The following ADGRG7 variants were observed in gnomAD, a reference collection of about 807,000 sequenced individuals.
The protein encoded by ADGRG7 is adhesion G protein-coupled receptor G7.
ADGRG7 carries 82 observed loss-of-function variants against 88.6 expected under a neutral mutation model. That is an observed-to-expected ratio of 0.93 (90% CI 0.77 to 1.11). The LOEUF (loss-of-function observed/expected upper bound fraction) is 1.11. ADGRG7 is among the 50% of genes most tolerant of loss of function. The probability of loss-of-function intolerance (pLI) is 0.00; values close to 1 mark genes in which losing one functional copy is unlikely to be tolerated. For missense variants in ADGRG7, 945 were observed against 953.4 expected, an observed-to-expected ratio of 0.99 and a Z score of 0.12; for synonymous variants, 381 against 345.2, an observed-to-expected ratio of 1.10 and a Z score of -1.15.
intron 1 of ADGRG7, among the ~76,000 whole-genome samples, chr3:100,625,615 A>G: frequency 7.2e-6 from 1 of 139,488 alleles, no homozygotes; most frequent in African/African-American, 2.5e-5. Context: ...CAGTTTTCAA[A>G]GGAAATGCTG....
chr3:100,654,499 T>C (rs1145339), intron 11 of ADGRG7: 176,705 of 192,682 alleles, frequency 0.92, 83,021 homozygotes, highest in East Asian at 1. Flanking sequence ...ACAGGCCAGG[T>C]TACTGTGAAG....
rs1317539707 is a variant in ADGRG7 at position 100,657,919 on chromosome 3, T to A, written c.1824-1769T>A. Among the ~76,000 whole-genome samples the A allele has an allele frequency of 4.6e-5, 7 of 152,172 alleles. No homozygotes were observed. The East Asian group carries it at 7.7e-4, about 17-fold the overall frequency. ...TAAAACTATTCCAATGCAAAAAAAA[T>A]TTAGAAATCCTTTCACGTGTATAAT... On this transcript the variant is annotated intron_variant, in intron 13 of 15. Coordinates refer to ENST00000273352, the MANE Select transcript of ADGRG7 (RefSeq NM_032787.3).
In ADGRG7 at chr3:100,633,275, A is replaced by G. The variant is rs752320101; in HGVS notation, c.345A>G (p.Pro115=). 2.0e-6 allele frequency: 3 copies of G among 1,474,332 alleles called. No individual in the cohort carries two copies. The highest frequency in any genetic ancestry group is 2.7e-6 in the Non-Finnish European group (3 of 1,109,394). 91.3% of individuals were successfully genotyped at this position (1,474,332 alleles called of 1,614,324 possible). A position where few individuals can be genotyped will look rare whatever the true frequency, so the allele number is the denominator to read the frequency against. The stretch of plus-strand genomic sequence containing the variant: ...TTCTTTGTATTAAAGCGGGCAATCC[A>G]ATGGCAGTCCGGTTGTGCAGTCTCT... ...CGKDTPNAGN[P]MAVRLCSLSL... The change falls in exon 4 of 16, where the codon CCA becomes CCG. Residue 115 remains proline (P), a synonymous_variant. Transcript: ENST00000273352.
chr3:100,638,031 C>T (rs1430600859), intron 6 of ADGRG7, among the ~76,000 whole-genome samples: 1 of 152,216 alleles, frequency 6.6e-6, no homozygotes, highest in African/African-American at 2.4e-5. Flanking sequence ...GGGGTGCCTG[C>T]AACCCCAAGG....
chr3:100,689,086 T>G (rs1011322681), intron 15 of ADGRG7, among the ~76,000 whole-genome samples: 16 of 152,158 alleles, frequency 1.1e-4, no homozygotes, highest in Admixed American at 9.2e-4. Context: ...ATATATTTAG[T>G]ATAGTTAGCT....
chr3:100,691,012 C>T (rs1355742532), intron 15 of ADGRG7, among the ~76,000 whole-genome samples: 2 of 152,242 alleles, frequency 1.3e-5, no homozygotes, highest in African/African-American at 4.8e-5. Context: ...TGGGCTCCAC[C>T]TAGTTCGAGC....
intron 1 of ADGRG7, among the ~76,000 whole-genome samples, chr3:100,612,135 A>G (rs879868898): frequency 1.8e-4 from 27 of 152,082 alleles, no homozygotes; most frequent in Non-Finnish European, 3.4e-4. Flanking sequence ...GGAGTAACAT[A>G]TATATAAATT....
At chr3:100,686,432 A>C (rs552269248) in intron 15 of ADGRG7, among the ~76,000 whole-genome samples, 2 of 152,220 alleles carry the variant, frequency 1.3e-5, no homozygotes, top group East Asian at 1.9e-4. Flanking sequence ...TTGGTGTTTT[A>C]GACATGAAGT....
chr3:100,687,942 A>G (rs1457200408), intron 15 of ADGRG7, among the ~76,000 whole-genome samples: 1 of 152,138 alleles, frequency 6.6e-6, no homozygotes, highest in African/African-American at 2.4e-5. Context: ...GAATAGTTTC[A>G]GAAGGAATGG....
At chr3:100,685,327 C>A (rs1405036875) in intron 15 of ADGRG7, among the ~76,000 whole-genome samples, 1 of 151,966 alleles carries the variant, frequency 6.6e-6, no homozygotes. Context: ...GAAAATAAAG[C>A]CTGAGAAGGA....
rs773263260 is a variant in ADGRG7, at chr3:100,643,683, A to G, written c.946+50A>G. On this transcript the variant is annotated intron_variant, in intron 8 of 15. Transcript: ENST00000273352. ...TAAAAAAATGGACTCGAATTCATGG[A>G]ACTAATAACTTCTAATTTACTCTAG... 3.4e-6 allele frequency: 4 copies of G among 1,169,412 alleles called. No homozygotes were observed. The South Asian group carries it at 5.1e-5, about 15-fold the overall frequency. 72.4% of individuals were successfully genotyped at this position (1,169,412 alleles called of 1,614,324 possible). A position where few individuals can be genotyped will look rare whatever the true frequency, so the allele number is the denominator to read the frequency against.
Position 100,627,291 on chromosome 3 carries a change from T to C in ADGRG7, c.116-2307T>C, listed in dbSNP as rs118187612. Among the ~76,000 whole-genome samples the C allele has an allele frequency of 2.4e-4, 37 of 152,348 alleles. 1 individual carries two copies. The East Asian group carries it at 7.1e-3, about 29-fold the overall frequency. ...GAGTTTAAAAAAAGTGAGATGCTTT[T>C]TGTCTCCTGCATTTATTGAGATGAT... On this transcript the variant is annotated intron_variant, in intron 1 of 15. Transcript: ENST00000273352.
Position 100,626,316 on chromosome 3 carries a change from CCTTT to C in ADGRG7, c.116-3279_116-3276del, listed in dbSNP as rs543576611. Among the ~76,000 whole-genome samples the C allele has an allele frequency of 3.5e-4, 53 of 152,136 alleles. No homozygotes were observed. The South Asian group carries it at 8.3e-3, about 24-fold the overall frequency. ...TGCATAGAGTTGTTCTTCTTTTTGG[CCTTT>C]CTAAGTGTTTTGCATTTCCATAAAT... On this transcript the variant is annotated intron_variant, in intron 1 of 15. Transcript: ENST00000273352.
chr3:100,691,472 G>C (rs1278177271), intron 15 of ADGRG7, among the ~76,000 whole-genome samples: 1 of 152,084 alleles, frequency 6.6e-6, no homozygotes, highest in Non-Finnish European at 1.5e-5. Context: ...GGGAGCTGTA[G>C]ACTGGAGCTG....
At chr3:100,669,864 C>T (rs2094956303) in intron 15 of ADGRG7, among the ~76,000 whole-genome samples, 1 of 151,966 alleles carries the variant, frequency 6.6e-6, no homozygotes, top group Admixed American at 6.6e-5. Flanking sequence ...GGTGAAACCC[C>T]ATCTCTACTA....
chr3:100,626,187 G>GT (rs1230659471), intron 1 of ADGRG7, among the ~76,000 whole-genome samples: 1 of 152,150 alleles, frequency 6.6e-6, no homozygotes, highest in Non-Finnish European at 1.5e-5. Context: ...CTCAATTTCA[G>GT]AGCTCGTTAT....
chr3:100,641,447 G>A (rs1489407266), intron 6 of ADGRG7, among the ~76,000 whole-genome samples: 2 of 151,976 alleles, frequency 1.3e-5, no homozygotes, highest in Non-Finnish European at 2.9e-5. Flanking sequence ...TGAGCTAAAT[G>A]GTCTGAGTTA....
At chr3:100,611,298 TC>T (rs1707149278) in intron 1 of ADGRG7, among the ~76,000 whole-genome samples, 11 of 128,742 alleles carry the variant, frequency 8.5e-5, no homozygotes, top group Admixed American at 2.8e-4. Context: ...CTTCCTTCCT[TC>T]CTTTCTTCTT....
chr3:100,689,320 A>T (rs2149043798), intron 15 of ADGRG7, among the ~76,000 whole-genome samples: 1 of 151,906 alleles, frequency 6.6e-6, no homozygotes, highest in Admixed American at 6.6e-5. Context: ...ATGGGTCTTG[A>T]CTCTTTATCC....
Sources: gnomAD v4.1 joint callset for allele counts (sites outside exome capture counted in the v4.1 genomes callset) on GRCh38, gnomAD v4.1.1 for gene constraint, MANE v1.5 for transcripts, NCBI Gene and HGNC (gene_info 2026-07-23, HGNC 2026-07-21) for gene names.